The following MCC variants were observed in gnomAD, a reference collection of about 807,000 sequenced individuals.
MCC encodes colorectal mutant cancer protein.
MCC carries 90 observed loss-of-function variants against 116.2 expected under a neutral mutation model. The ratio of observed to expected loss-of-function variants is 0.77; its 90% CI spans 0.65 to 0.92. MCC has a LOEUF of 0.92. Among genes scored for constraint, MCC ranks in the 40% least tolerant of loss-of-function variants. MCC has a pLI of 0.00. For synonymous variants in MCC, 578 were observed against 510.5 expected (o/e 1.13, Z -1.78); for missense variants, 1,516 against 1,312.2 (o/e 1.16, Z -2.40).
At chr5:113,248,235 T>A (rs1272929080) in intron 3 of MCC, among the ~76,000 whole-genome samples, 14 of 133,548 alleles carry the variant, frequency 1.0e-4, no homozygotes, top group Non-Finnish European at 1.9e-4. Flanking sequence ...TGTATCTATT[T>A]AAAAAAAAAA....
At chr5:113,140,305 G>A (rs1267282894) in intron 5 of MCC, among the ~76,000 whole-genome samples, 1 of 152,214 alleles carries the variant, frequency 6.6e-6, no homozygotes, top group Non-Finnish European at 1.5e-5. Context: ...TGCTTTATTA[G>A]ATGAGGAGGG....
chr5:113,222,690 T>C (rs1057071061), intron 3 of MCC, among the ~76,000 whole-genome samples: 3 of 152,240 alleles, frequency 2.0e-5, no homozygotes, highest in Admixed American at 2.0e-4. Context: ...AAATCACATT[T>C]TGAAATGGCA....
chr5:113,375,300 T>C (rs1314766248), intron 2 of MCC, among the ~76,000 whole-genome samples: 1 of 152,172 alleles, frequency 6.6e-6, no homozygotes, highest in African/African-American at 2.4e-5. Context: ...TCATCTCCTA[T>C]AGCACAACTT....
rs536765000 is a variant in MCC at position 113,380,106 on chromosome 5, CTT to C, written c.415+4860_415+4861del. On this transcript the variant is annotated intron_variant, in intron 2 of 18. Coordinates refer to ENST00000408903, the MANE Select transcript of MCC (RefSeq NM_001085377.2). ...CTGAGCATGTAATGTTTTGACTAGT[CTT>C]TTTCTGCCAACCCAGCTCCCTGCTG... Among the ~76,000 whole-genome samples, 71 of 152,320 alleles carry C rather than the reference CTT, an allele frequency of 4.7e-4. No homozygotes were observed. In the East Asian group the frequency reaches 0.013, roughly 28 times the overall value.
At chr5:113,430,359 T>C (rs1015098524) in intron 1 of MCC, among the ~76,000 whole-genome samples, 1 of 152,218 alleles carries the variant, frequency 6.6e-6, no homozygotes, top group East Asian at 1.9e-4. Context: ...CCTATGTAGA[T>C]AGTTGGCCTC....
Position 113,071,258 on chromosome 5 carries a change from T to C in MCC, c.1785-24A>G, listed in dbSNP as rs116148678. The C allele has an allele frequency of 1.1e-5, 17 of 1,611,284 alleles. No individual in the cohort carries two copies. In the African/African-American group the frequency reaches 2.1e-4, roughly 20 times the overall value. ...GGCTACAAAGGAACAAAAATCAGAT[T>C]CACACTAGGGTTACAGTTAATTTGC... is the stretch of plus-strand genomic sequence containing the variant. On this transcript the variant is annotated intron_variant, in intron 11 of 18. Transcript: ENST00000408903.
intron 2 of MCC, among the ~76,000 whole-genome samples, chr5:113,370,891 G>A (rs563096014): frequency 3.3e-5 from 5 of 152,168 alleles, no homozygotes; most frequent in East Asian, 1.9e-4. Context: ...ACAAGAAAAC[G>A]GGAGAAATAA....
rs964539314 is a variant in MCC at position 113,093,442 on chromosome 5, ATATCTATCT to A, written c.1399-8141_1399-8133del. Among the ~76,000 whole-genome samples, 30 of 151,928 alleles carry A rather than the reference ATATCTATCT, an allele frequency of 2.0e-4. 1 individual carries two copies. The highest frequency in any genetic ancestry group is 6.8e-4 in the African/African-American group (28 of 41,378). The stretch of plus-strand genomic sequence containing the variant: ...AGCCTGGGCAACATAGCCAGATCCC[ATATCTATCT>A]TATCTATCTATCTGTTGATCTCTCT... On this transcript the variant is annotated intron_variant, in intron 8 of 18. Coordinates refer to ENST00000408903, the MANE Select transcript of MCC (RefSeq NM_001085377.2).
At chr5:113,080,334 C>T (rs1754763746) in intron 11 of MCC, among the ~76,000 whole-genome samples, 1 of 152,186 alleles carries the variant, frequency 6.6e-6, no homozygotes, top group African/African-American at 2.4e-5. Context: ...AATTATGCTG[C>T]TATAAAGACA....
chr5:113,123,763 AG>A (rs1260714776), intron 5 of MCC, among the ~76,000 whole-genome samples: 7 of 152,298 alleles, frequency 4.6e-5, no homozygotes, highest in African/African-American at 1.4e-4. Flanking sequence ...GTGAACCAGT[AG>A]GGGGAACTGT....
intron 3 of MCC, among the ~76,000 whole-genome samples, chr5:113,161,831 T>A (rs1221272390): frequency 6.6e-6 from 1 of 152,238 alleles, no homozygotes; most frequent in Non-Finnish European, 1.5e-5. Context: ...TTTAAATGCA[T>A]TCCCATCTTT....
At chr5:113,315,708 A>G (rs1004726251) in intron 3 of MCC, among the ~76,000 whole-genome samples, 9 of 132,772 alleles carry the variant, frequency 6.8e-5, no homozygotes, top group African/African-American at 2.8e-4. Context: ...TCTCTACAAA[A>G]AAAAAAAAAA....
rs115142756 is a variant in MCC at position 113,112,558 on chromosome 5, T to C, written c.1028-8203A>G. ...TGGAACTGTGAATCAATTAAACCTC[T>C]TTTTTAAATAAATTACCCAATCTCA... On this transcript the variant is annotated intron_variant, in intron 6 of 18. Coordinates refer to ENST00000408903, the MANE Select transcript of MCC (RefSeq NM_001085377.2). 7.4e-3 allele frequency among the ~76,000 whole-genome samples: 1,130 copies of C among 152,346 alleles called. 18 individuals are homozygous for C. The highest frequency in any genetic ancestry group is 0.025 in the African/African-American group (1,056 of 41,564).
At chr5:113,349,394 A>G (rs1370624132) in intron 2 of MCC, among the ~76,000 whole-genome samples, 2 of 152,158 alleles carry the variant, frequency 1.3e-5, no homozygotes, top group Non-Finnish European at 1.5e-5. Flanking sequence ...GGTTCAACAT[A>G]TACAAATCAA....
In MCC at chr5:113,151,413, C is replaced by T. The variant is rs755012996; in HGVS notation, c.637G>A (p.Ala213Thr). The T allele has an allele frequency of 1.3e-6, 2 of 1,588,216 alleles. No individual in the cohort carries two copies. Among genetic ancestry groups the T allele is most frequent in the Admixed American group, 1.7e-5 (1 of 59,704 alleles). Residue 213 changes from alanine to threonine, a missense_variant, in exon 4 of 19, where the codon GCA (alanine) becomes ACA (threonine). By Grantham distance (58) the Ala-to-Thr change is moderately conservative. Transcript: ENST00000408903. ...TCTCCCTTTAGTGATGCCAGGGCTG[C>T]TGAATGGAGCTGTGGTGACAGAAAG... ...YLELANTLHS[A>T]ALASLKGDIV...
intron 3 of MCC, among the ~76,000 whole-genome samples, chr5:113,178,288 T>G (rs17135394): frequency 6.6e-6 from 1 of 152,144 alleles, no homozygotes; most frequent in Non-Finnish European, 1.5e-5. Context: ...ACCATCTCAG[T>G]AGCTCTGAGC....
At chr5:113,329,010 A>G (rs1245600801) in intron 3 of MCC, among the ~76,000 whole-genome samples, 1 of 152,176 alleles carries the variant, frequency 6.6e-6, no homozygotes, top group African/African-American at 2.4e-5. Context: ...GTGGAGTCAA[A>G]CAAACCTGGG....
intron 3 of MCC, among the ~76,000 whole-genome samples, chr5:113,270,974 T>C (rs1765595129): frequency 1.3e-5 from 2 of 152,126 alleles, no homozygotes; most frequent in African/African-American, 4.8e-5. Flanking sequence ...ATTTAACATT[T>C]TGCTAAGACA....
intron 3 of MCC, among the ~76,000 whole-genome samples, chr5:113,228,204 T>G (rs1487260291): frequency 6.6e-6 from 1 of 152,188 alleles, no homozygotes; most frequent in African/African-American, 2.4e-5. Flanking sequence ...CCCACCAAAA[T>G]TCGTGTTGAG....
Sources: allele counts gnomAD v4.1 joint callset (sites outside exome capture counted in the v4.1 genomes callset), GRCh38; gene constraint gnomAD v4.1.1; transcripts MANE v1.5; gene names NCBI Gene and HGNC (gene_info 2026-07-23, HGNC 2026-07-21).